ADTRP: variants seen among roughly 807,000 people sequenced by gnomAD.
The protein encoded by ADTRP is androgen-dependent TFPI-regulating protein.
ADTRP carries 20 observed loss-of-function variants against 27.0 expected under a neutral mutation model. The observed-to-expected ratio is 0.74, with a 90% CI of 0.52 to 1.08. ADTRP has a LOEUF of 1.08. Ranked by LOEUF, ADTRP falls within the 50% of genes least tolerant of loss-of-function variation. The pLI, the probability that ADTRP is intolerant of heterozygous loss-of-function variation, is 0.00. For synonymous variants in ADTRP, 101 were observed against 105.2 expected, an observed-to-expected ratio of 0.96 and a Z score of 0.25; for missense variants, 251 against 275.0, an observed-to-expected ratio of 0.91 and a Z score of 0.62.
chr6:11,776,973 C>A (rs16871803), intron 1 of ADTRP, among the ~76,000 whole-genome samples: 3,717 of 152,124 alleles, frequency 0.024, 159 homozygotes, highest in African/African-American at 0.084. Context: ...CTGGATTGGA[C>A]CATGAATGGA....
chr6:11,768,621 T>C (rs556200924), intron 1 of ADTRP, among the ~76,000 whole-genome samples: 46 of 152,136 alleles, frequency 3.0e-4, no homozygotes, highest in African/African-American at 9.9e-4. Flanking sequence ...CAGTATTTAG[T>C]GTAATGGACT....
intron 1 of ADTRP, among the ~76,000 whole-genome samples, chr6:11,772,608 G>A (rs1442750570): frequency 3.9e-5 from 6 of 152,172 alleles, no homozygotes; most frequent in African/African-American, 1.4e-4. Context: ...ACCTAACTCA[G>A]GACTGTGCCT....
chr6:11,754,769 C>T (rs1257345188), intron 3 of ADTRP, among the ~76,000 whole-genome samples: 1 of 152,182 alleles, frequency 6.6e-6, no homozygotes. Flanking sequence ...CGGAACTCCA[C>T]AGCCTACAGC....
At chr6:11,752,800 A>T (rs980099078) in intron 3 of ADTRP, among the ~76,000 whole-genome samples, 7 of 152,074 alleles carry the variant, frequency 4.6e-5, no homozygotes, top group Admixed American at 3.3e-4. Flanking sequence ...GTTGCCTGGA[A>T]CCATATGGAG....
At chr6:11,769,287 G>A (rs758244578) in intron 1 of ADTRP, among the ~76,000 whole-genome samples, 3 of 152,080 alleles carry the variant, frequency 2.0e-5, no homozygotes, top group African/African-American at 7.2e-5. Flanking sequence ...CTGCTTTTAG[G>A]GTATAAGTCA....
At chr6:11,769,745 T>G (rs1763702790) in intron 1 of ADTRP, among the ~76,000 whole-genome samples, 1 of 151,468 alleles carries the variant, frequency 6.6e-6, no homozygotes, top group African/African-American at 2.4e-5. Context: ...AAAAAAGAAA[T>G]TTTTGGCCAA....
chr6:11,732,248 GT>G (rs1762412389), intron 4 of ADTRP, among the ~76,000 whole-genome samples: 1 of 152,190 alleles, frequency 6.6e-6, no homozygotes, highest in African/African-American at 2.4e-5. Flanking sequence ...GGTTTCGGCG[GT>G]GAAATGCTTC....
intron 4 of ADTRP, among the ~76,000 whole-genome samples, chr6:11,723,832 G>T (rs188851514): frequency 6.6e-6 from 1 of 152,202 alleles, no homozygotes; most frequent in East Asian, 1.9e-4. Context: ...GCTGAGGGGG[G>T]TGGATCACCT....
intron 5 of ADTRP, among the ~76,000 whole-genome samples, chr6:11,717,723 G>A (rs760090865): frequency 1.9e-4 from 29 of 152,236 alleles, no homozygotes; most frequent in Non-Finnish European, 3.7e-4. Flanking sequence ...CAGAAGTCCA[G>A]GGAGGACAGG....
At chr6:11,766,821 C>T (rs557700806) in intron 2 of ADTRP, among the ~76,000 whole-genome samples, 1 of 152,272 alleles carries the variant, frequency 6.6e-6, no homozygotes, top group South Asian at 2.1e-4. Flanking sequence ...GCCTGAGAAC[C>T]ATAAGTGCCA....
At chr6:11,718,136 C>T (rs771099467) in intron 5 of ADTRP, among the ~76,000 whole-genome samples, 15 of 152,230 alleles carry the variant, frequency 9.9e-5, no homozygotes, top group Non-Finnish European at 1.3e-4. Flanking sequence ...CTCCCAGCGC[C>T]ACTTGGCCAG....
chr6:11,768,852 C>T (rs993411461), intron 1 of ADTRP, among the ~76,000 whole-genome samples: 8 of 151,962 alleles, frequency 5.3e-5, no homozygotes, highest in Admixed American at 4.6e-4. Flanking sequence ...TCAAGAGGAC[C>T]ACCACGAATC....
intron 2 of ADTRP, among the ~76,000 whole-genome samples, chr6:11,767,350 C>A (rs760170935): frequency 6.6e-6 from 1 of 152,286 alleles, no homozygotes; most frequent in South Asian, 2.1e-4. Flanking sequence ...TCCCCTACCC[C>A]CCAAAACCAA....
rs191004724 is a variant in ADTRP at position 11,735,564 on chromosome 6, T to C, written c.506+4A>G. The C allele has an allele frequency of 1.2e-6, 2 of 1,606,748 alleles. No homozygotes were observed. The highest frequency in any genetic ancestry group is 3.3e-5 in the Admixed American group (2 of 59,930). Reference sequence around the variant, plus strand: ...TAAGTTGACTTTCTCCATGTAATTCTTACCGGCTGATGTAAGCAATGCTGG... The same window carrying C: ...TAAGTTGACTTTCTCCATGTAATTCCTACCGGCTGATGTAAGCAATGCTGG... On this transcript the variant is annotated splice_donor_region_variant and intron_variant, in intron 4 of 5. Coordinates refer to ENST00000414691, the MANE Select transcript of ADTRP (RefSeq NM_032744.4).
chr6:11,767,387 G>A (rs6457825), intron 2 of ADTRP, among the ~76,000 whole-genome samples: 37,855 of 152,068 alleles, frequency 0.25, 5,137 homozygotes, highest in African/African-American at 0.36. Flanking sequence ...AAGATTTTAC[G>A]TGGGCAGAGG....
rs1040656211 is a variant in ADTRP at position 11,722,669 on chromosome 6, G to T, written c.658+680C>A. Among the ~76,000 whole-genome samples, 19 of 152,134 alleles carry T rather than the reference G, an allele frequency of 1.2e-4. 1 individual carries two copies. ...GTGGGGAGAGAGGAAGCAGGAAGGA[G>T]AATGAAATCTTCCATTTTAAAATTA... On this transcript the variant is annotated intron_variant, in intron 5 of 5. Coordinates refer to ENST00000414691, the MANE Select transcript of ADTRP (RefSeq NM_032744.4).
chr6:11,723,826 A>AG (rs1762096200), intron 4 of ADTRP, among the ~76,000 whole-genome samples: 1 of 152,126 alleles, frequency 6.6e-6, no homozygotes, highest in Admixed American at 6.5e-5. Context: ...TGGGAGGCTG[A>AG]GGGGGGTGGA....
chr6:11,758,103 A>C (rs62395248), intron 3 of ADTRP, among the ~76,000 whole-genome samples: 74 of 152,130 alleles, frequency 4.9e-4, no homozygotes, highest in Non-Finnish European at 9.3e-4. Flanking sequence ...CATCTGTTCT[A>C]ATCTGTGCAG....
chr6:11,723,145 G>A (rs933419593), intron 5 of ADTRP, among the ~76,000 whole-genome samples: 3 of 152,116 alleles, frequency 2.0e-5, no homozygotes, highest in African/African-American at 7.2e-5. Flanking sequence ...TCCTTTGATG[G>A]GGTCCTTTAA....
Sources: allele counts gnomAD v4.1 joint callset (sites outside exome capture counted in the v4.1 genomes callset), GRCh38; gene constraint gnomAD v4.1.1; transcripts MANE v1.5; gene names NCBI Gene and HGNC (gene_info 2026-07-23, HGNC 2026-07-21).